The following MEIS1 variants were observed in gnomAD, a reference collection of about 807,000 sequenced individuals.
MEIS1 encodes Meis homeobox 1.
A neutral mutation model predicts 50.8 loss-of-function variants in MEIS1; 5 were observed. That is an observed-to-expected ratio of 0.10 (90% CI 0.05 to 0.21). The LOEUF (loss-of-function observed/expected upper bound fraction) is 0.21, where lower values mean the gene tolerates loss of function less well. Among genes scored for constraint, MEIS1 ranks in the 10% least tolerant of loss-of-function variants. MEIS1 has a pLI of 1.00. For synonymous variants in MEIS1, 176 were observed against 179.3 expected, an observed-to-expected ratio of 0.98 and a Z score of 0.15; for missense variants, 318 against 517.3, an observed-to-expected ratio of 0.61 and a Z score of 3.74.
intron 7 of MEIS1, among the ~76,000 whole-genome samples, chr2:66,502,042 T>C (rs969522500): frequency 2.6e-5 from 4 of 152,222 alleles, no homozygotes; most frequent in Admixed American, 2.0e-4. Flanking sequence ...TTATTCCACA[T>C]TTATTTCAAC....
chr2:66,516,868 C>T (rs560269314), intron 8 of MEIS1, among the ~76,000 whole-genome samples: 3 of 152,136 alleles, frequency 2.0e-5, no homozygotes, highest in African/African-American at 4.8e-5. Context: ...ATCTTAGTGT[C>T]GTATCCCTCC....
In MEIS1 at chr2:66,571,418, G is replaced by T. The variant is rs1306191087; in HGVS notation, c.*210G>T. The T allele has an allele frequency of 6.2e-7, 1 of 1,606,564 alleles. No individual in the cohort carries two copies. Among genetic ancestry groups the T allele is most frequent in the Non-Finnish European group, 8.5e-7 (1 of 1,176,758 alleles). ...ACCCTCACCACCCAACAGTGATGATGCATGGAGGACCGCCCCACCCTGGAA... is the reference window on the plus strand; with the variant it reads ...ACCCTCACCACCCAACAGTGATGATTCATGGAGGACCGCCCCACCCTGGAA... On this transcript the variant is annotated 3_prime_UTR_variant, in exon 13 of 13. Coordinates refer to ENST00000272369, the MANE Select transcript of MEIS1 (RefSeq NM_002398.3).
rs1052923098 is a variant in MEIS1 at position 66,443,009 on chromosome 2, C to T, written c.591C>T (p.Asp197=). 1.9e-6 allele frequency: 3 copies of T among 1,601,150 alleles called. No individual in the cohort carries two copies. The highest frequency in any genetic ancestry group is 2.6e-6 in the Non-Finnish European group (3 of 1,175,322). Residue 197 remains aspartate, a synonymous_variant, in exon 6 of 13, where the codon GAC becomes GAT. Transcript: ENST00000272369. ...IDDREGGSKS[D]SEDITRSANL... is the part of the protein sequence containing the mutation. ...ATAGAGAAGGAGGATCAAAATCAGACAGTGAAGATATAACAAGATCAGCAA... is the reference window on the plus strand; with the variant it reads ...ATAGAGAAGGAGGATCAAAATCAGATAGTGAAGATATAACAAGATCAGCAA...
intron 7 of MEIS1, among the ~76,000 whole-genome samples, chr2:66,504,820 T>C (rs949187787): frequency 2.0e-5 from 3 of 152,200 alleles, no homozygotes; most frequent in African/African-American, 7.2e-5. Context: ...CGTCTAACTC[T>C]TTATTTTGGT....
intron 9 of MEIS1, among the ~76,000 whole-genome samples, chr2:66,558,337 C>G (rs1009706807): frequency 1.4e-5 from 2 of 146,406 alleles, no homozygotes; most frequent in Non-Finnish European, 3.0e-5. Flanking sequence ...AAAGGATAGT[C>G]ACACTGAAAT....
chr2:66,536,932 AG>A (rs1202334953), intron 8 of MEIS1, among the ~76,000 whole-genome samples: 4 of 152,166 alleles, frequency 2.6e-5, no homozygotes, highest in African/African-American at 9.7e-5. Flanking sequence ...AGCTTTACAA[AG>A]GGGGGAAATC....
intron 8 of MEIS1, among the ~76,000 whole-genome samples, chr2:66,537,554 C>A (rs981322773): frequency 2.6e-5 from 4 of 152,162 alleles, no homozygotes; most frequent in Non-Finnish European, 4.4e-5. Flanking sequence ...CTGTCTCTAT[C>A]TTTTTCTCTC....
chr2:66,539,191 G>A (rs1276422407), intron 8 of MEIS1, among the ~76,000 whole-genome samples: 1 of 152,052 alleles, frequency 6.6e-6, no homozygotes, highest in Non-Finnish European at 1.5e-5. Context: ...CTGGCCAAAA[G>A]TGCTCTTGTA....
intron 8 of MEIS1, among the ~76,000 whole-genome samples, chr2:66,528,639 A>G (rs530193731): frequency 1.1e-4 from 17 of 152,092 alleles, no homozygotes; most frequent in African/African-American, 3.6e-4. Flanking sequence ...ACCTAGCTCC[A>G]TTGCCACTGC....
At chr2:66,570,991 C>T (rs1262984863) in intron 12 of MEIS1, 10 of 417,180 alleles carry the variant, frequency 2.4e-5, no homozygotes, top group Non-Finnish European at 2.1e-5. Flanking sequence ...CAATTTTATT[C>T]TTTTTAATAA....
At chr2:66,461,873 T>C in intron 6 of MEIS1, 2 of 470,104 alleles carry the variant, frequency 4.3e-6, no homozygotes, top group Non-Finnish European at 8.8e-6. Context: ...TGAAGAAAAA[T>C]GGTGATGAAA....
chr2:66,465,920 T>C (rs1672623869), intron 7 of MEIS1, among the ~76,000 whole-genome samples: 1 of 152,220 alleles, frequency 6.6e-6, no homozygotes, highest in South Asian at 2.1e-4. Context: ...CAAAGGCCTA[T>C]TTAATAATTT....
intron 7 of MEIS1, among the ~76,000 whole-genome samples, chr2:66,499,562 G>C (rs1189809809): frequency 6.6e-6 from 1 of 152,044 alleles, no homozygotes; most frequent in Non-Finnish European, 1.5e-5. Context: ...TGCCTTGAGA[G>C]AAGATTCCCA....
intron 3 of MEIS1, 107 bp downstream of exon 3, chr2:66,440,091 A>ACACACACACACACG: frequency 9.5e-7 from 1 of 1,054,496 alleles, no homozygotes; most frequent in Non-Finnish European, 1.3e-6. Flanking sequence ...ACACACACAC[A>ACACACACACACACG]CGGCACACTT....
chr2:66,512,402 A>C, intron 8 of MEIS1, 108 bp downstream of exon 8: 1 of 1,268,812 alleles, frequency 7.9e-7, no homozygotes, highest in Non-Finnish European at 1.1e-6. Flanking sequence ...ATATTTAATA[A>C]ATAACTGTGT....
intron 7 of MEIS1, among the ~76,000 whole-genome samples, chr2:66,509,741 A>G (rs1204540371): frequency 2.0e-5 from 3 of 152,244 alleles, no homozygotes; most frequent in Non-Finnish European, 4.4e-5. Flanking sequence ...AATGGAGTAT[A>G]TAATTCAGGT....
At chr2:66,479,105 G>A (rs932461419) in intron 7 of MEIS1, among the ~76,000 whole-genome samples, 5 of 152,220 alleles carry the variant, frequency 3.3e-5, no homozygotes, top group African/African-American at 7.2e-5. Flanking sequence ...TGGATCACCT[G>A]TTCTTTGGGA....
chr2:66,507,589 A>G (rs1226243241), intron 7 of MEIS1, among the ~76,000 whole-genome samples: 1 of 152,134 alleles, frequency 6.6e-6, no homozygotes, highest in African/African-American at 2.4e-5. Context: ...AAATCTTAGG[A>G]GCTGTTTTGG....
intron 3 of MEIS1, 41 bp from the exon 4 acceptor site, chr2:66,440,521 C>G (rs1671943922): frequency 4.9e-4 from 715 of 1,459,796 alleles, no homozygotes; most frequent in Non-Finnish European, 6.2e-4. Context: ...TTTCTTTTTT[C>G]TCTCCCCTCC....
Sources: allele counts gnomAD v4.1 joint callset (sites outside exome capture counted in the v4.1 genomes callset), GRCh38; gene constraint gnomAD v4.1.1; transcripts MANE v1.5; gene names NCBI Gene and HGNC (gene_info 2026-07-23, HGNC 2026-07-21).